MARCHF1: variants seen among roughly 807,000 people sequenced by gnomAD.
The protein encoded by MARCHF1 is E3 ubiquitin-protein ligase MARCHF1.
Under a neutral mutation model 54.2 loss-of-function variants are expected in MARCHF1, and 40 were observed. The observed-to-expected ratio is 0.74, with a 90% CI of 0.57 to 0.96. The LOEUF is 0.96. Among genes scored for constraint, MARCHF1 ranks in the 40% least tolerant of loss-of-function variants. The pLI is 0.00. For missense variants in MARCHF1, 586 were observed against 656.5 expected, an observed-to-expected ratio of 0.89 and a Z score of 1.17; for synonymous variants, 236 against 236.3, an observed-to-expected ratio of 1.00 and a Z score of 0.01.
At chr4:164,223,278 C>T (rs1732163192) in intron 1 of MARCHF1, among the ~76,000 whole-genome samples, 1 of 151,978 alleles carries the variant, frequency 6.6e-6, no homozygotes, top group Non-Finnish European at 1.5e-5. Flanking sequence ...CTTAAACTGA[C>T]AGCAAAAGAT....
At chr4:163,637,721 G>T (rs1177963487) in intron 5 of MARCHF1, among the ~76,000 whole-genome samples, 8 of 151,576 alleles carry the variant, frequency 5.3e-5, no homozygotes, top group African/African-American at 1.9e-4. Flanking sequence ...AATACCATTT[G>T]ACCCAGCCAT....
intron 3 of MARCHF1, among the ~76,000 whole-genome samples, chr4:163,964,256 A>T (rs1388525132): frequency 4.0e-5 from 6 of 151,416 alleles, no homozygotes; most frequent in Admixed American, 3.9e-4. Flanking sequence ...AGAACAGAAA[A>T]TAACTTTTTT....
chr4:163,651,525 CTTT>C (rs66848288), intron 5 of MARCHF1, among the ~76,000 whole-genome samples: 1 of 131,020 alleles, frequency 7.6e-6, no homozygotes, highest in Admixed American at 7.4e-5. Context: ...AAGTACCATA[CTTT>C]TTTTTTTTTT....
At chr4:164,006,259 A>G (rs1365536973) in intron 2 of MARCHF1, among the ~76,000 whole-genome samples, 2 of 152,196 alleles carry the variant, frequency 1.3e-5, no homozygotes, top group Non-Finnish European at 2.9e-5. Flanking sequence ...GAAATTTGAC[A>G]AAAATTGAAA....
At chr4:164,349,026 T>C (rs1284557415) in intron 1 of MARCHF1, among the ~76,000 whole-genome samples, 1 of 152,110 alleles carries the variant, frequency 6.6e-6, no homozygotes, top group Non-Finnish European at 1.5e-5. Flanking sequence ...TGGGAAGGCT[T>C]TACTTTTCCC....
intron 1 of MARCHF1, among the ~76,000 whole-genome samples, chr4:164,336,295 T>C (rs1423491495): frequency 6.6e-6 from 1 of 152,172 alleles, no homozygotes; most frequent in African/African-American, 2.4e-5. Context: ...TAAAGTAACA[T>C]TGGTATTTGG....
intron 3 of MARCHF1, among the ~76,000 whole-genome samples, chr4:163,981,739 C>T (rs780676656): frequency 6.6e-6 from 1 of 152,140 alleles, no homozygotes; most frequent in Admixed American, 6.5e-5. Context: ...GGCTAATCAG[C>T]GAGTTTTAAA....
chr4:164,351,547 C>G (rs868698498), intron 1 of MARCHF1, among the ~76,000 whole-genome samples: 50 of 151,968 alleles, frequency 3.3e-4, no homozygotes, highest in African/African-American at 7.2e-4. Flanking sequence ...CTGCAGCTGA[C>G]AGTCCTGTCT....
At chr4:164,322,942 T>A (rs550809483) in intron 1 of MARCHF1, among the ~76,000 whole-genome samples, 1 of 152,072 alleles carries the variant, frequency 6.6e-6, no homozygotes, top group South Asian at 2.1e-4. Flanking sequence ...TAAAAACTGT[T>A]AGAAATCAAA....
chr4:163,742,139 C>T (rs1746214802), intron 4 of MARCHF1, among the ~76,000 whole-genome samples: 1 of 152,082 alleles, frequency 6.6e-6, no homozygotes, highest in Non-Finnish European at 1.5e-5. Context: ...AACCAAAAAT[C>T]ATGGGGACCA....
intron 2 of MARCHF1, among the ~76,000 whole-genome samples, chr4:164,030,523 T>G (rs13149496): frequency 6.6e-6 from 1 of 152,002 alleles, no homozygotes; most frequent in Non-Finnish European, 1.5e-5. Context: ...AAAGATTTAC[T>G]TTAACACAAA....
At chr4:164,161,089 A>G (rs1441299958) in intron 1 of MARCHF1, among the ~76,000 whole-genome samples, 3 of 152,118 alleles carry the variant, frequency 2.0e-5, no homozygotes, top group Non-Finnish European at 4.4e-5. Flanking sequence ...TCATGTTGAA[A>G]TATAAACCTC....
At chr4:163,705,355 G>A (rs1744919826) in intron 4 of MARCHF1, among the ~76,000 whole-genome samples, 1 of 151,294 alleles carries the variant, frequency 6.6e-6, no homozygotes, top group East Asian at 1.9e-4. Context: ...GAAAAAAAAA[G>A]GAAAAAAGAA....
intron 4 of MARCHF1, 94 bp from the exon 5 acceptor site, chr4:163,700,957 C>A (rs760652120): frequency 8.8e-6 from 7 of 795,110 alleles, no homozygotes; most frequent in Non-Finnish European, 1.0e-5. Flanking sequence ...ACAAGGAAAT[C>A]TGTGAATGCT....
chr4:164,162,024 A>C (rs1382891945), intron 1 of MARCHF1, among the ~76,000 whole-genome samples: 1 of 152,180 alleles, frequency 6.6e-6, no homozygotes, highest in African/African-American at 2.4e-5. Flanking sequence ...AGCACAGAAC[A>C]CTAAAAGAAA....
At chr4:164,092,075 G>A (rs900660433) in intron 2 of MARCHF1, among the ~76,000 whole-genome samples, 4 of 152,034 alleles carry the variant, frequency 2.6e-5, no homozygotes, top group Non-Finnish European at 5.9e-5. Context: ...TCTTCTCACC[G>A]AGGCTTACTT....
At chr4:164,276,758 TA>T (rs1349613828) in intron 1 of MARCHF1, among the ~76,000 whole-genome samples, 1 of 150,178 alleles carries the variant, frequency 6.7e-6, no homozygotes, top group African/African-American at 2.4e-5. Context: ...ACTGTAACTG[TA>T]AAATGTAAAA....
chr4:163,788,731 C>T (rs748908084), intron 4 of MARCHF1, among the ~76,000 whole-genome samples: 22 of 151,990 alleles, frequency 1.4e-4, no homozygotes, highest in Non-Finnish European at 2.2e-4. Context: ...TAACATTGGT[C>T]ACCTGGTAAG....
Position 163,866,345 on chromosome 4 carries a change from T to C in MARCHF1, c.-38-12176A>G, listed in dbSNP as rs146250301. Among the ~76,000 whole-genome samples, 7 of 150,608 alleles carry C rather than the reference T, an allele frequency of 4.6e-5. No individual in the cohort carries two copies. In the East Asian group the frequency reaches 1.4e-3, roughly 29 times the overall value. On this transcript the variant is annotated intron_variant, in intron 3 of 9. Coordinates refer to ENST00000514618, the MANE Select transcript of MARCHF1 (RefSeq NM_001394959.1). ...AAGAGTCAAAGAATTCTTTTTTAGGTAAAACAGTAATTTATTTCAGGTTTC... is the reference window on the plus strand; with the variant it reads ...AAGAGTCAAAGAATTCTTTTTTAGGCAAAACAGTAATTTATTTCAGGTTTC...
Sources: gnomAD v4.1 joint callset for allele counts (sites outside exome capture counted in the v4.1 genomes callset) on GRCh38, gnomAD v4.1.1 for gene constraint, MANE v1.5 for transcripts, NCBI Gene and HGNC (gene_info 2026-07-23, HGNC 2026-07-21) for gene names.